Variants in ORC3 observed in about 807,000 individuals in gnomAD.
The protein encoded by ORC3 is homolog of latheo, Drosophila.
ORC3 carries 78 observed loss-of-function variants against 100.7 expected under a neutral mutation model. That is an observed-to-expected ratio of 0.77 (90% CI 0.65 to 0.94). ORC3 has a LOEUF of 0.94. Among genes scored for constraint, ORC3 ranks in the 40% least tolerant of loss-of-function variants. The pLI is 0.00. For synonymous variants in ORC3, 295 were observed against 289.3 expected (o/e 1.02, Z -0.20); for missense variants, 789 against 823.9 (o/e 0.96, Z 0.52).
intron 2 of ORC3, among the ~76,000 whole-genome samples, chr6:87,598,870 C>T (rs532659665): frequency 7.0e-4 from 107 of 152,228 alleles, no homozygotes; most frequent in African/African-American, 2.5e-3. Context: ...ACCATCTGTC[C>T]CCTGACTGAA....
chr6:87,656,806 T>A (rs1352985171), intron 14 of ORC3, 100 bp from the exon 15 acceptor site: 10 of 715,008 alleles, frequency 1.4e-5, no homozygotes, highest in South Asian at 3.8e-5. Context: ...ATTAAAAAAA[T>A]ATATATAGGT....
At chr6:87,672,202 A>G (rs1310002131), downstream of ORC3, among the ~76,000 whole-genome samples, 1 of 152,226 alleles carries the variant, frequency 6.6e-6, no homozygotes, top group Non-Finnish European at 1.5e-5. Flanking sequence ...TTTTCCTAAT[A>G]AAACAAGTTG....
intron 11 of ORC3, among the ~76,000 whole-genome samples, chr6:87,627,109 T>C (rs902035116): frequency 2.0e-5 from 3 of 151,936 alleles, no homozygotes; most frequent in African/African-American, 4.8e-5. Context: ...GAAGTTCTCC[T>C]GCCTCAGCCT....
At chr6:87,629,693 G>C (rs34154420) in intron 11 of ORC3, among the ~76,000 whole-genome samples, 9,767 of 152,090 alleles carry the variant, frequency 0.064, 408 homozygotes, top group African/African-American at 0.12. Flanking sequence ...TTTCTCTGCC[G>C]TCACCCCTCC....
At chr6:87,592,050 T>G (rs1025466158) in intron 1 of ORC3, among the ~76,000 whole-genome samples, 5 of 152,038 alleles carry the variant, frequency 3.3e-5, no homozygotes, top group African/African-American at 1.2e-4. Context: ...ATCAAAACAT[T>G]TTAGTGTCTC....
At chr6:87,602,921 T>C (rs1482417551) in intron 3 of ORC3, among the ~76,000 whole-genome samples, 1 of 132,318 alleles carries the variant, frequency 7.6e-6, no homozygotes, top group Non-Finnish European at 1.6e-5. Flanking sequence ...ATTATATATA[T>C]ATATACACGT....
At chr6:87,669,345 G>GT (rs1475634466), downstream of ORC3, among the ~76,000 whole-genome samples, 4 of 152,208 alleles carry the variant, frequency 2.6e-5, no homozygotes, top group African/African-American at 7.2e-5. Flanking sequence ...GTTAGATTAG[G>GT]TATCTTTTCA....
At chr6:87,600,735 A>G (rs761219572) in intron 2 of ORC3, among the ~76,000 whole-genome samples, 3 of 152,200 alleles carry the variant, frequency 2.0e-5, no homozygotes, top group Non-Finnish European at 4.4e-5. Flanking sequence ...TGTACAATAA[A>G]GGAGGGTTTT....
chr6:87,658,472 A>C (rs908389161), intron 16 of ORC3, among the ~76,000 whole-genome samples: 7 of 149,380 alleles, frequency 4.7e-5, no homozygotes, highest in African/African-American at 1.7e-4. Context: ...AAAAAAAAAG[A>C]ATTGTAATTT....
intron 10 of ORC3, among the ~76,000 whole-genome samples, chr6:87,621,743 A>G (rs529051849): frequency 2.6e-5 from 4 of 152,174 alleles, no homozygotes; most frequent in East Asian, 1.9e-4. Flanking sequence ...GCCTTTTTTA[A>G]TGTTTATATC....
At chr6:87,625,903 T>C (rs1328419604) in intron 11 of ORC3, among the ~76,000 whole-genome samples, 2 of 152,226 alleles carry the variant, frequency 1.3e-5, no homozygotes, top group African/African-American at 2.4e-5. Flanking sequence ...TTTCTACATA[T>C]GGCTAGCCAG....
chr6:87,605,551 G>A (rs898157498), intron 4 of ORC3, among the ~76,000 whole-genome samples: 1 of 152,042 alleles, frequency 6.6e-6, no homozygotes, highest in Non-Finnish European at 1.5e-5. Context: ...TCAGGAGGCT[G>A]AGGCAGGAGA....
chr6:87,596,160 GT>G (rs71554737), intron 2 of ORC3, among the ~76,000 whole-genome samples: 29 of 140,404 alleles, frequency 2.1e-4, no homozygotes, highest in Admixed American at 2.2e-4. Context: ...GTTTGTTTTT[GT>G]TTTTTTTTTT....
At chr6:87,646,355 CCTAT>C (rs1295058576) in intron 13 of ORC3, among the ~76,000 whole-genome samples, 1 of 152,098 alleles carries the variant, frequency 6.6e-6, no homozygotes, top group Non-Finnish European at 1.5e-5. Context: ...ATTAATGTGA[CCTAT>C]CTTAGACATT....
chr6:87,645,123 G>T (rs1768657212), intron 13 of ORC3, among the ~76,000 whole-genome samples: 1 of 152,002 alleles, frequency 6.6e-6, no homozygotes, highest in African/African-American at 2.4e-5. Flanking sequence ...AAAAAAAGGG[G>T]TTTTTTAAAT....
chr6:87,595,264 C>G (rs1777347841), intron 2 of ORC3: 1 of 152,226 alleles, frequency 6.6e-6, no homozygotes, highest in African/African-American at 2.4e-5. Context: ...AGCTCTATGG[C>G]TTTGGCCCTG....
downstream of ORC3, among the ~76,000 whole-genome samples, chr6:87,671,323 A>C (rs1770825428): frequency 6.6e-6 from 1 of 152,150 alleles, no homozygotes; most frequent in African/African-American, 2.4e-5. Flanking sequence ...TTTAAGGTGG[A>C]ACTAAGATCA....
chr6:87,627,484 C>T (rs1280185991), intron 11 of ORC3, among the ~76,000 whole-genome samples: 6 of 151,014 alleles, frequency 4.0e-5, no homozygotes, highest in Non-Finnish European at 7.4e-5. Flanking sequence ...TTAGTAGAGA[C>T]GGGGTTTCAC....
At chr6:87,605,730 C>G (rs1478539870) in intron 4 of ORC3, among the ~76,000 whole-genome samples, 187 bp from the exon 5 acceptor site, 1 of 151,736 alleles carries the variant, frequency 6.6e-6, no homozygotes, top group Non-Finnish European at 1.5e-5. Context: ...TCTTTCCTGA[C>G]AAATATAGTT....
Sources: allele counts gnomAD v4.1 joint callset (sites outside exome capture counted in the v4.1 genomes callset), GRCh38; gene constraint gnomAD v4.1.1; transcripts MANE v1.5; gene names NCBI Gene and HGNC (gene_info 2026-07-23, HGNC 2026-07-21).